Variants in CSGALNACT1 observed in about 807,000 individuals in gnomAD.
CSGALNACT1 encodes beta4GalNAcT-1.
Under a neutral mutation model 51.0 loss-of-function variants are expected in CSGALNACT1, and 52 were observed. The observed-to-expected ratio is 1.02, with a 90% confidence interval of 0.82 to 1.29. The LOEUF (loss-of-function observed/expected upper bound fraction) is 1.29, where lower values mean the gene tolerates loss of function less well. Ranked by LOEUF, CSGALNACT1 falls within the 50% of genes most tolerant of loss-of-function variation. The pLI is 0.00. For synonymous variants in CSGALNACT1, 341 were observed against 254.4 expected (o/e 1.34, Z -3.24); for missense variants, 935 against 679.2 (o/e 1.38, Z -4.19).
intron 4 of CSGALNACT1, among the ~76,000 whole-genome samples, chr8:19,477,160 G>A (rs1020415323): frequency 6.6e-6 from 1 of 152,190 alleles, no homozygotes; most frequent in African/African-American, 2.4e-5. Context: ...TGTCCATCAA[G>A]AGCAGATGCC....
intron 7 of CSGALNACT1, among the ~76,000 whole-genome samples, chr8:19,420,056 C>G (rs575189411): frequency 6.6e-6 from 1 of 152,340 alleles, no homozygotes; most frequent in East Asian, 1.9e-4. Flanking sequence ...ATAGACTTCC[C>G]TTTGCTCCTC....
At chr8:19,531,182 C>T (rs1240827728) in intron 3 of CSGALNACT1, among the ~76,000 whole-genome samples, 2 of 152,178 alleles carry the variant, frequency 1.3e-5, no homozygotes, top group Non-Finnish European at 2.9e-5. Flanking sequence ...TCATGACATT[C>T]CACCAAGGGA....
At chr8:19,726,785 T>C (rs1253759928) in intron 1 of CSGALNACT1, among the ~76,000 whole-genome samples, 3 of 152,188 alleles carry the variant, frequency 2.0e-5, no homozygotes, top group Non-Finnish European at 4.4e-5. Context: ...ATAGCAAGTA[T>C]ATCCGTTAAA....
At chr8:19,577,995 G>A (rs890352623) in intron 3 of CSGALNACT1, among the ~76,000 whole-genome samples, 2 of 152,128 alleles carry the variant, frequency 1.3e-5, no homozygotes, top group Non-Finnish European at 2.9e-5. Context: ...CATAGGTGTA[G>A]CCACACTGAC....
intron 3 of CSGALNACT1, among the ~76,000 whole-genome samples, chr8:19,572,512 A>G (rs1483844061): frequency 6.6e-6 from 1 of 152,208 alleles, no homozygotes; most frequent in Non-Finnish European, 1.5e-5. Flanking sequence ...CGTACCAATG[A>G]AGGGAAAGGC....
At chr8:19,514,009 T>G (rs940315697) in intron 3 of CSGALNACT1, among the ~76,000 whole-genome samples, 2 of 152,188 alleles carry the variant, frequency 1.3e-5, no homozygotes, top group Non-Finnish European at 2.9e-5. Context: ...AGCAGGGTTT[T>G]CAGGTGTCAG....
At position 19,430,348 on chromosome 8, in the gene CSGALNACT1, G is replaced by C. The variant is rs2059466289; in HGVS notation, c.953+9482C>G. Among the ~76,000 whole-genome samples the C allele has an allele frequency of 2.0e-5, 3 of 152,190 alleles. 1 individual carries two copies. The highest frequency in any genetic ancestry group is 1.3e-4 in the Admixed American group (2 of 15,292). ...TTATAGCTCTTACATTTAAGTCGTT[G>C]ATCCATTTTGACTTCAAGTTTTGTA... On this transcript the variant is annotated intron_variant, in intron 6 of 9. Coordinates refer to ENST00000454498, the Ensembl canonical transcript of CSGALNACT1.
intron 5 of CSGALNACT1, among the ~76,000 whole-genome samples, chr8:19,451,119 G>A (rs1423803101): frequency 1.3e-5 from 2 of 152,236 alleles, no homozygotes; most frequent in East Asian, 1.9e-4. Flanking sequence ...CATTTATTTG[G>A]TGGTTCAATG....
upstream of CSGALNACT1, among the ~76,000 whole-genome samples, chr8:19,685,370 T>C (rs563695753): frequency 6.6e-6 from 1 of 152,290 alleles, no homozygotes; most frequent in African/African-American, 2.4e-5. Context: ...CTTGGTGTCA[T>C]GTGCCTGTGG....
intron 1 of CSGALNACT1, among the ~76,000 whole-genome samples, chr8:19,623,112 G>C (rs1247125835): frequency 6.6e-6 from 1 of 152,154 alleles, no homozygotes; most frequent in African/African-American, 2.4e-5. Context: ...ATATTTGACA[G>C]TAAAGGGTTA....
chr8:19,500,807 G>A (rs1198211713), intron 4 of CSGALNACT1, among the ~76,000 whole-genome samples: 1 of 152,140 alleles, frequency 6.6e-6, no homozygotes, highest in Admixed American at 6.5e-5. Context: ...AACTACCTGG[G>A]GCTGGGTTAT....
At chr8:19,452,421 A>AGG (rs2063338685) in intron 5 of CSGALNACT1, among the ~76,000 whole-genome samples, 3 of 136,900 alleles carry the variant, frequency 2.2e-5, no homozygotes, top group East Asian at 4.0e-4. Flanking sequence ...CCTGGGGGAA[A>AGG]AAAAAAAAAA....
chr8:19,501,292 G>C (rs2076378194), intron 4 of CSGALNACT1, among the ~76,000 whole-genome samples: 1 of 149,730 alleles, frequency 6.7e-6, no homozygotes, highest in Non-Finnish European at 1.5e-5. Context: ...GCTAGCAAAT[G>C]CTACACAGAA....
At chr8:19,454,879 A>C (rs1586387218) in intron 5 of CSGALNACT1, among the ~76,000 whole-genome samples, 1 of 152,228 alleles carries the variant, frequency 6.6e-6, no homozygotes, top group East Asian at 1.9e-4. Flanking sequence ...TGTCTCTCAC[A>C]GTGAAGACAC....
upstream of CSGALNACT1, among the ~76,000 whole-genome samples, chr8:19,686,433 G>A (rs147857455): frequency 1.6e-3 from 251 of 152,270 alleles, no homozygotes; most frequent in African/African-American, 5.6e-3. Context: ...AGCCACCAAC[G>A]CATTCTAACT....
chr8:19,616,890 T>C (rs554813746), intron 1 of CSGALNACT1, among the ~76,000 whole-genome samples: 87 of 152,314 alleles, frequency 5.7e-4, no homozygotes, highest in Non-Finnish European at 1.0e-3. Context: ...GAAGACACTT[T>C]TCCCACGGGG....
At chr8:19,680,782 C>T (rs1339969955) in intron 1 of CSGALNACT1, among the ~76,000 whole-genome samples, 2 of 152,074 alleles carry the variant, frequency 1.3e-5, no homozygotes, top group African/African-American at 2.4e-5. Flanking sequence ...CACAAACCTA[C>T]ACGGTATTAG....
chr8:19,564,012 T>C (rs1457791182), intron 3 of CSGALNACT1, among the ~76,000 whole-genome samples: 2 of 152,158 alleles, frequency 1.3e-5, no homozygotes, highest in African/African-American at 2.4e-5. Flanking sequence ...CTCCTTCAGA[T>C]AATCCTTCAG....
chr8:19,662,706 A>G (rs997417790), intron 1 of CSGALNACT1, among the ~76,000 whole-genome samples: 2 of 152,170 alleles, frequency 1.3e-5, no homozygotes, highest in Admixed American at 6.5e-5. Flanking sequence ...TCTGAAAGAC[A>G]TATTTGTCCT....
Sources: gnomAD v4.1 joint callset for allele counts (sites outside exome capture counted in the v4.1 genomes callset) on GRCh38, gnomAD v4.1.1 for gene constraint, MANE v1.5 for transcripts, NCBI Gene and HGNC (gene_info 2026-07-23, HGNC 2026-07-21) for gene names.